The following MSMB variants were observed in gnomAD, a reference collection of about 807,000 sequenced individuals.
MSMB encodes beta-microseminoprotein.
In MSMB, 10 loss-of-function variants were observed where a neutral mutation model predicts 10.5. That is an observed-to-expected ratio of 0.95 (90% confidence interval 0.59 to 1.62). The LOEUF is 1.62. Ranked by LOEUF, MSMB falls within the 40% of genes most tolerant of loss-of-function variation. The pLI, the probability that MSMB is intolerant of heterozygous loss-of-function variation, is 0.00. For synonymous variants in MSMB, 43 were observed against 46.5 expected (o/e 0.93, Z 0.30); for missense variants, 126 against 137.4 (o/e 0.92, Z 0.42).
At chr10:46,043,966 C>T (rs1052659479) in intron 1 of MSMB, among the ~76,000 whole-genome samples, 11 of 152,062 alleles carry the variant, frequency 7.2e-5, no homozygotes, top group African/African-American at 2.2e-4. Flanking sequence ...TGAGCCACCG[C>T]GCCCAACCAG....
chr10:46,042,054 G>C (rs1451814235), intron 1 of MSMB, among the ~76,000 whole-genome samples: 1 of 152,016 alleles, frequency 6.6e-6, no homozygotes, highest in African/African-American at 2.4e-5. Context: ...AATTCTAAAA[G>C]GATTCAAGGT....
intron 1 of MSMB, among the ~76,000 whole-genome samples, chr10:46,041,276 C>T (rs1274457363): frequency 1.4e-5 from 2 of 141,302 alleles, no homozygotes; most frequent in African/African-American, 2.6e-5. Flanking sequence ...GCCTGGGAGG[C>T]GGAGGTTGCA....
At chr10:46,045,669 T>G (rs1054918648) in intron 1 of MSMB, among the ~76,000 whole-genome samples, 17 of 152,224 alleles carry the variant, frequency 1.1e-4, no homozygotes, top group African/African-American at 3.9e-4. Flanking sequence ...TTTAAATTGA[T>G]GCTCTGTTCT....
Position 46,039,090 on chromosome 10 carries a change from C to G in MSMB, c.110-19G>C. The G allele has an allele frequency of 6.2e-7, 1 of 1,605,038 alleles. No homozygotes were observed. The highest frequency in any genetic ancestry group is 1.1e-5 in the South Asian group (1 of 90,674). On this transcript the variant is annotated intron_variant, in intron 2 of 3. Transcript: ENST00000582163. ...ATGCATTCTAAAATAATACACACAA[C>G]ATCATCAGTGCAAGTCATGCAATGA...
At chr10:46,046,172 TA>T in intron 1 of MSMB, 62 bp downstream of exon 1, 1 of 1,524,910 alleles carries the variant, frequency 6.6e-7, no homozygotes, top group South Asian at 1.1e-5. Context: ...ACACGCATAT[TA>T]AAATAGGAAT....
chr10:46,042,745 G>A (rs1212586369), intron 1 of MSMB, among the ~76,000 whole-genome samples: 1 of 152,164 alleles, frequency 6.6e-6, no homozygotes, highest in Non-Finnish European at 1.5e-5. Flanking sequence ...ATGAGCAATT[G>A]ATCACCACAT....
rs1355654019 is a variant in MSMB, at chr10:46,042,936, T to C, written c.4-2845A>G. ...TCTACAATAAAATATATGAGTTTTA[T>C]AGCCACAAAGAAAGAAAGATTCTTT... On this transcript the variant is annotated intron_variant, in intron 1 of 3. Coordinates refer to ENST00000582163, the MANE Select transcript of MSMB (RefSeq NM_002443.4). 7.9e-5 allele frequency among the ~76,000 whole-genome samples: 12 copies of C among 152,214 alleles called. No homozygotes were observed. The South Asian group carries it at 2.3e-3, about 29-fold the overall frequency.
chr10:46,044,077 T>C (rs1175371084), intron 1 of MSMB, among the ~76,000 whole-genome samples: 1 of 152,172 alleles, frequency 6.6e-6, no homozygotes, highest in Non-Finnish European at 1.5e-5. Flanking sequence ...GGTCCACCCC[T>C]GAGTAGAGAG....
In MSMB at chr10:46,033,636, C is replaced by T. The variant is rs75881516; in HGVS notation, c.216-85G>A. The T allele has an allele frequency of 1.3e-3, 2,089 of 1,563,544 alleles. 12 individuals are homozygous for T. In the African/African-American group the frequency reaches 0.021, roughly 16 times the overall value. On this transcript the variant is annotated intron_variant, in intron 3 of 3. Transcript: ENST00000582163. ...CCAGTGCCAGCTCTGTTCAGGAAGT[C>T]ACCCACACTCCAACTTAAGGGCACC... is the stretch of plus-strand genomic sequence containing the variant.
chr10:46,044,262 A>G (rs1840828030), intron 1 of MSMB, among the ~76,000 whole-genome samples: 1 of 151,968 alleles, frequency 6.6e-6, no homozygotes. Flanking sequence ...GAGGTGAAGC[A>G]GGCTGGCAGT....
At chr10:46,039,185 A>G in intron 2 of MSMB, 114 bp from the exon 3 acceptor site, 1 of 859,468 alleles carries the variant, frequency 1.2e-6, no homozygotes, top group Non-Finnish European at 1.9e-6. Flanking sequence ...AGAGGAGCTC[A>G]ATTATTTTAA....
intron 3 of MSMB, among the ~76,000 whole-genome samples, chr10:46,038,413 A>G (rs544711796): frequency 6.6e-6 from 1 of 151,834 alleles, no homozygotes; most frequent in East Asian, 1.9e-4. Flanking sequence ...TCAGCCTCCC[A>G]AGTAGCTGGG....
At chr10:46,037,198 C>G (rs1360414565) in intron 3 of MSMB, among the ~76,000 whole-genome samples, 1 of 152,208 alleles carries the variant, frequency 6.6e-6, no homozygotes, top group African/African-American at 2.4e-5. Flanking sequence ...ATAAGACTCT[C>G]GAGGCACCTG....
At chr10:46,038,381 G>A (rs1385974125) in intron 3 of MSMB, among the ~76,000 whole-genome samples, 3 of 151,674 alleles carry the variant, frequency 2.0e-5, no homozygotes, top group Non-Finnish European at 2.9e-5. Flanking sequence ...TCTGCCTCCC[G>A]GGTTCACGCC....
chr10:46,042,446 G>A (rs2132422801), intron 1 of MSMB, among the ~76,000 whole-genome samples: 1 of 152,306 alleles, frequency 6.6e-6, no homozygotes, highest in African/African-American at 2.4e-5. Flanking sequence ...GGTATCTATG[G>A]GAGGTGATAT....
Position 46,033,353 on chromosome 10 carries a change from A to G in MSMB, c.*69T>C. ...TTTTACTGATAGGCATGGCTACACA[A>G]TCATTGACTATTAGAGGCCAGAGGA... On this transcript the variant is annotated 3_prime_UTR_variant, in exon 4 of 4. Coordinates refer to ENST00000582163, the MANE Select transcript of MSMB (RefSeq NM_002443.4). The G allele has an allele frequency of 3.8e-6, 6 of 1,575,726 alleles. No homozygotes were observed. In the South Asian group the frequency reaches 5.8e-5, roughly 15 times the overall value.
chr10:46,035,398 A>G (rs1315284317), intron 3 of MSMB, among the ~76,000 whole-genome samples: 1 of 152,266 alleles, frequency 6.6e-6, no homozygotes, highest in Non-Finnish European at 1.5e-5. Flanking sequence ...AACAGGCAGA[A>G]GCAACTCAAG....
chr10:46,037,133 G>A (rs1262554476), intron 3 of MSMB, among the ~76,000 whole-genome samples: 1 of 152,180 alleles, frequency 6.6e-6, no homozygotes, highest in African/African-American at 2.4e-5. Context: ...AGTTCAGTAG[G>A]ACTCAGGTGT....
At chr10:46,044,541 A>C (rs1840842893) in intron 1 of MSMB, among the ~76,000 whole-genome samples, 2 of 129,416 alleles carry the variant, frequency 1.5e-5, no homozygotes, top group South Asian at 5.1e-4. Flanking sequence ...GCGCCACTGC[A>C]CTCCAGCCTG....
Sources: gnomAD v4.1 joint callset for allele counts (sites outside exome capture counted in the v4.1 genomes callset) on GRCh38, gnomAD v4.1.1 for gene constraint, MANE v1.5 for transcripts, NCBI Gene and HGNC (gene_info 2026-07-23, HGNC 2026-07-21) for gene names.